The following ATP10D variants were observed in gnomAD, a reference collection of about 807,000 sequenced individuals.
ATP10D encodes ATPase phospholipid transporting 10D (putative).
Under a neutral mutation model 144.8 loss-of-function variants are expected in ATP10D, and 89 were observed. That is an observed-to-expected ratio of 0.61 (90% CI 0.52 to 0.73). ATP10D has a LOEUF of 0.73. Among genes scored for constraint, ATP10D ranks in the 30% least tolerant of loss-of-function variants. The pLI is 0.00. For missense variants in ATP10D, 1,603 were observed against 1,714.8 expected, an observed-to-expected ratio of 0.93 and a Z score of 1.15; for synonymous variants, 571 against 615.1, an observed-to-expected ratio of 0.93 and a Z score of 1.06.
chr4:47,534,154 T>A (rs1717706571), intron 5 of ATP10D, among the ~76,000 whole-genome samples: 1 of 152,144 alleles, frequency 6.6e-6, no homozygotes, highest in Non-Finnish European at 1.5e-5. Context: ...TAGATTGAGG[T>A]GACTTCCCCC....
chr4:47,546,855 G>A lies in ATP10D; in HGVS notation c.1628G>A (p.Ser543Asn), dbSNP rs776575392. ...VPHSRQAAFS[S>N]PIETDVVPDT... ...CATTCCAGACAGGCTGCTTTCAGTA[G>A]CCCCATTGTAAGTATGAATGCATGA... Residue 543 changes from serine (S) to asparagine (N), a missense_variant, in exon 10 of 23, where the codon AGC (serine) becomes AAC (asparagine). Transcript: ENST00000273859. 4.3e-6 allele frequency: 7 copies of A among 1,612,084 alleles called. No homozygotes were observed. In the Admixed American group the frequency reaches 1.2e-4, roughly 27 times the overall value.
In ATP10D at chr4:47,490,950, A is replaced by C. The variant is rs142214284; in HGVS notation, c.-38+5431A>C. On this transcript the variant is annotated intron_variant, in intron 1 of 22. Transcript: ENST00000273859. The stretch of plus-strand genomic sequence containing the variant: ...TACATCTTTTTTTTTTTCAGTCAGA[A>C]GTCTTTTATTTTATTTATTTTGTTA... 1.3e-3 allele frequency: 680 copies of C among 526,456 alleles called. 2 individuals carry two copies. The highest frequency in any genetic ancestry group is 6.2e-3 in the Admixed American group (205 of 33,192). 32.6% of individuals were successfully genotyped at this position (526,456 alleles called of 1,614,324 possible).
Position 47,576,914 on chromosome 4 carries a change from G to A in ATP10D, c.3508G>A (p.Val1170Met), listed in dbSNP as rs760867195. 8 of 1,614,054 alleles carry A rather than the reference G, an allele frequency of 5.0e-6. No individual in the cohort carries two copies. Among genetic ancestry groups the A allele is most frequent in the Non-Finnish European group, 6.8e-6 (8 of 1,180,030 alleles). Reference protein sequence around the residue: ...PVIYGVLEKDVSAETLMQLPE... With the variant: ...PVIYGVLEKDMSAETLMQLPE... ...CATTTATGGTGTTTTGGAGAAAGAT[G>A]TGTCTGCAGAGACCCTCATGCAACT... Residue 1170 changes from valine (V) to methionine (M), a missense_variant, in exon 19 of 23, where the codon GTG (valine) becomes ATG (methionine). Physicochemically the swap from Val to Met is conservative, Grantham distance 21 (BLOSUM62 1). Transcript: ENST00000273859.
At chr4:47,539,701 G>T (rs74848579) in intron 9 of ATP10D, among the ~76,000 whole-genome samples, 1 of 152,114 alleles carries the variant, frequency 6.6e-6, no homozygotes, top group Non-Finnish European at 1.5e-5. Flanking sequence ...GTGTTTTCCT[G>T]AATTATTTGA....
chr4:47,549,781 C>T (rs1020009245), intron 10 of ATP10D, among the ~76,000 whole-genome samples: 61 of 152,142 alleles, frequency 4.0e-4, no homozygotes, highest in Admixed American at 2.0e-3. Context: ...AGAGCTACAA[C>T]TTGAGTTAGG....
At chr4:47,575,704 C>A (rs1194611432) in intron 18 of ATP10D, among the ~76,000 whole-genome samples, 1 of 152,142 alleles carries the variant, frequency 6.6e-6, no homozygotes, top group Non-Finnish European at 1.5e-5. Flanking sequence ...TTCTTAGTCT[C>A]TCTGTGCCTC....
chr4:47,519,998 T>C (rs1466968484), intron 3 of ATP10D, among the ~76,000 whole-genome samples: 1 of 152,346 alleles, frequency 6.6e-6, no homozygotes, highest in Non-Finnish European at 1.5e-5. Flanking sequence ...TCTTGGTACA[T>C]GCTACAAATG....
intron 20 of ATP10D, among the ~76,000 whole-genome samples, chr4:47,581,142 A>G (rs1466665992): frequency 6.6e-6 from 1 of 152,216 alleles, no homozygotes; most frequent in Non-Finnish European, 1.5e-5. Context: ...AATGATATTC[A>G]GAGCATTAAA....
At chr4:47,561,891 C>G (rs1719336205) in intron 14 of ATP10D, among the ~76,000 whole-genome samples, 4 of 152,072 alleles carry the variant, frequency 2.6e-5, no homozygotes, top group Admixed American at 2.0e-4. Flanking sequence ...TCTGATATAC[C>G]AAGATACCAG....
intron 1 of ATP10D, among the ~76,000 whole-genome samples, chr4:47,501,039 AG>A (rs1165912832): frequency 2.0e-5 from 3 of 152,092 alleles, no homozygotes; most frequent in African/African-American, 7.2e-5. Flanking sequence ...ACTGGAACAG[AG>A]TACATAGAGC....
chr4:47,525,974 C>T (rs1426774676), intron 5 of ATP10D, among the ~76,000 whole-genome samples: 2 of 152,200 alleles, frequency 1.3e-5, no homozygotes, highest in Non-Finnish European at 2.9e-5. Context: ...CACTTTGATC[C>T]TCAGTTTCCT....
rs145328775 is a variant in ATP10D at position 47,555,682 on chromosome 4, C to T, written c.1824+768C>T. 1.3e-3 allele frequency among the ~76,000 whole-genome samples: 201 copies of T among 152,190 alleles called. 3 individuals are homozygous for T. The highest frequency in any genetic ancestry group is 3.4e-3 in the Middle Eastern group (1 of 290). On this transcript the variant is annotated intron_variant, in intron 11 of 22. Coordinates refer to ENST00000273859, the MANE Select transcript of ATP10D (RefSeq NM_020453.4). ...CTTTCTTTGAGACTTCTGAGACCTC[C>T]AACATCGTATGTATTATATCAGGCA...
rs755935088 is a variant in ATP10D at position 47,568,818 on chromosome 4, C to G, written c.2854-19C>G. ...CCAAGGGCGCCTGGAGGCTAACCAC[C>G]TTTGCCTCTTGTTTCAAGGATGCCT... On this transcript the variant is annotated intron_variant, in intron 15 of 22. Coordinates refer to ENST00000273859, the MANE Select transcript of ATP10D (RefSeq NM_020453.4). 2 of 1,604,558 alleles carry G rather than the reference C, an allele frequency of 1.2e-6. No individual in the cohort carries two copies. The highest frequency in any genetic ancestry group is 2.2e-5 in the South Asian group (2 of 90,248).
At chr4:47,574,904 TA>T (rs1577700910) in intron 18 of ATP10D, among the ~76,000 whole-genome samples, 1 of 152,070 alleles carries the variant, frequency 6.6e-6, no homozygotes, top group East Asian at 1.9e-4. Flanking sequence ...GAGGTCAAGC[TA>T]ACCTCCCGCC....
At chr4:47,499,071 G>T (rs949411541) in intron 1 of ATP10D, among the ~76,000 whole-genome samples, 2 of 152,162 alleles carry the variant, frequency 1.3e-5, no homozygotes, top group African/African-American at 4.8e-5. Context: ...CTCTCGGTTA[G>T]TCTTTTAACG....
At chr4:47,505,055 C>T (rs1715946846) in intron 1 of ATP10D, among the ~76,000 whole-genome samples, 1 of 152,202 alleles carries the variant, frequency 6.6e-6, no homozygotes, top group African/African-American at 2.4e-5. Flanking sequence ...GAAACTAATT[C>T]TAACTGTATT....
chr4:47,513,208 C>G (rs536408374), intron 2 of ATP10D, among the ~76,000 whole-genome samples: 14 of 152,216 alleles, frequency 9.2e-5, no homozygotes, highest in Non-Finnish European at 1.8e-4. Context: ...ATTTTTCTTA[C>G]TGATAATAGG....
At position 47,554,931 on chromosome 4, in the gene ATP10D, A is replaced by G; in HGVS notation, c.1824+17A>G. 6.2e-7 allele frequency: 1 copy of G among 1,608,948 alleles called. No individual in the cohort carries two copies. Among genetic ancestry groups the G allele is most frequent in the Non-Finnish European group, 8.5e-7 (1 of 1,175,964 alleles). On this transcript the variant is annotated intron_variant, in intron 11 of 22. Coordinates refer to ENST00000273859, the MANE Select transcript of ATP10D (RefSeq NM_020453.4). ...CGACAAAAGGTGAGTAAGTTCTCTA[A>G]TGCAAACAAGGGTCACTTTCCAGAA...
intron 1 of ATP10D, among the ~76,000 whole-genome samples, chr4:47,498,380 T>C (rs2109387460): frequency 6.6e-6 from 1 of 152,340 alleles, no homozygotes; most frequent in East Asian, 1.9e-4. Flanking sequence ...TCTCCAGATA[T>C]TAGCAAATGT....
Sources: gnomAD v4.1 joint callset for allele counts (sites outside exome capture counted in the v4.1 genomes callset) on GRCh38, gnomAD v4.1.1 for gene constraint, MANE v1.5 for transcripts, NCBI Gene and HGNC (gene_info 2026-07-23, HGNC 2026-07-21) for gene names.